The following PDZD2 variants were observed in gnomAD, a reference collection of about 807,000 sequenced individuals.
PDZD2 encodes PDZ domain containing 2, also known as PDZ domain-containing protein 2.
In PDZD2, 90 loss-of-function variants were observed where a neutral mutation model predicts 220.7. The ratio of observed to expected loss-of-function variants is 0.41; its 90% CI spans 0.34 to 0.49. The LOEUF (loss-of-function observed/expected upper bound fraction) is 0.49. Among genes scored for constraint, PDZD2 ranks in the 20% least tolerant of loss-of-function variants. The pLI is 0.28. For synonymous variants in PDZD2, 1,375 were observed against 1,450.5 expected, an observed-to-expected ratio of 0.95 and a Z score of 1.18; for missense variants, 3,174 against 3,608.5, an observed-to-expected ratio of 0.88 and a Z score of 3.08.
chr5:31,647,060 A>T (rs1379480640), intron 1 of PDZD2, among the ~76,000 whole-genome samples: 1 of 152,094 alleles, frequency 6.6e-6, no homozygotes, highest in African/African-American at 2.4e-5. Context: ...GCTGCAGTCC[A>T]CTATTTTTGG....
At chr5:31,663,907 A>T (rs1745877783) in intron 1 of PDZD2, among the ~76,000 whole-genome samples, 1 of 151,670 alleles carries the variant, frequency 6.6e-6, no homozygotes, top group African/African-American at 2.4e-5. Context: ...TTGCACATGT[A>T]TCTGTGTGTG....
chr5:31,905,704 A>G lies in PDZD2; in HGVS notation c.477-77451A>G, dbSNP rs890741458. 5.3e-5 allele frequency among the ~76,000 whole-genome samples: 8 copies of G among 152,228 alleles called. No individual in the cohort carries two copies. The East Asian group carries it at 1.5e-3, about 29-fold the overall frequency. ...GAGTGGATTTATTCAGGTATTGGGT[A>G]CCTTCTGAGGATATGGATTTCTGTC... On this transcript the variant is annotated intron_variant, in intron 2 of 24. Transcript: ENST00000438447.
At position 31,771,816 on chromosome 5, in the gene PDZD2, G is replaced by T. The variant is rs182155223; in HGVS notation, c.-360-27073G>T. On this transcript the variant is annotated intron_variant, in intron 1 of 24. Transcript: ENST00000438447. The stretch of plus-strand genomic sequence containing the variant: ...TTGGATGTAGTTAGTGGGCAGGCCT[G>T]GCTCCTTCACTCACTGCCTGGGTGA... Among the ~76,000 whole-genome samples the T allele has an allele frequency of 3.1e-3, 470 of 152,238 alleles. 2 individuals are homozygous for T. The highest frequency in any genetic ancestry group is 0.011 in the African/African-American group (458 of 41,538).
chr5:32,071,004 C>G (rs1339816471), intron 15 of PDZD2, among the ~76,000 whole-genome samples: 1 of 152,224 alleles, frequency 6.6e-6, no homozygotes, highest in Non-Finnish European at 1.5e-5. Context: ...GGGGTCAGAT[C>G]AGTCAACATT....
intron 2 of PDZD2, among the ~76,000 whole-genome samples, chr5:31,858,398 G>A (rs1758647180): frequency 1.3e-5 from 2 of 152,206 alleles, no homozygotes; most frequent in Admixed American, 6.5e-5. Flanking sequence ...GTACAGCTAT[G>A]ATAGTGAAAG....
chr5:31,647,033 T>C (rs1352275288), intron 1 of PDZD2, among the ~76,000 whole-genome samples: 1 of 152,184 alleles, frequency 6.6e-6, no homozygotes. Flanking sequence ...GATTTCTTTA[T>C]TGGTGGCAGC....
chr5:32,077,434 A>T lies in PDZD2; in HGVS notation c.3538-28A>T, dbSNP rs747124712. 21 of 1,611,796 alleles carry T rather than the reference A, an allele frequency of 1.3e-5. No individual in the cohort carries two copies. In the East Asian group the frequency reaches 4.7e-4, roughly 36 times the overall value. On this transcript the variant is annotated intron_variant, in intron 18 of 24. Coordinates refer to ENST00000438447, the MANE Select transcript of PDZD2 (RefSeq NM_178140.4). ...GTGCAGAAAGCCTGAAAGTTATTTC[A>T]AGTGGCTTGTGGTTGTCATTGTGCC...
chr5:31,650,358 ATCTC>A (rs1456553274), intron 1 of PDZD2, among the ~76,000 whole-genome samples: 6 of 152,216 alleles, frequency 3.9e-5, no homozygotes, highest in African/African-American at 7.2e-5. Context: ...TTGAATCCAG[ATCTC>A]TCTGTCTACT....
chr5:31,918,610 T>G (rs1035660527), intron 2 of PDZD2, among the ~76,000 whole-genome samples: 4 of 152,216 alleles, frequency 2.6e-5, no homozygotes, highest in Non-Finnish European at 1.5e-5. Flanking sequence ...CTCTTTTGAT[T>G]TTTAGGGTAG....
At chr5:31,691,560 G>A (rs988707607) in intron 1 of PDZD2, among the ~76,000 whole-genome samples, 2 of 148,682 alleles carry the variant, frequency 1.3e-5, no homozygotes, top group Admixed American at 1.3e-4. Flanking sequence ...CTTATCTGGC[G>A]CCACCTGCTT....
chr5:31,983,310 A>G lies in PDZD2; in HGVS notation c.632A>G (p.Lys211Arg), dbSNP rs759147085. ...PTLELGDRTA[K>R]KGKRTRKFGV... ...TTGGAGCTGGGTGACCGAACTGCGA[A>G]AAAGGGGAAACGAACCAGAAAGTTT... Residue 211 changes from lysine (K) to arginine (R), a missense_variant, in exon 3 of 25, where the codon AAA becomes AGA. This residue lies in a region of PDZD2 where 632 missense variants were observed against 708.1 expected (regional missense o/e 0.89). Coordinates refer to ENST00000438447, the MANE Select transcript of PDZD2 (RefSeq NM_178140.4). The G allele has an allele frequency of 4.3e-6, 7 of 1,614,202 alleles. No individual in the cohort carries two copies. The Admixed American group carries it at 1.0e-4, about 23-fold the overall frequency.
At chr5:32,049,789 T>TG (rs1738341360) in intron 8 of PDZD2, among the ~76,000 whole-genome samples, 1 of 152,116 alleles carries the variant, frequency 6.6e-6, no homozygotes, top group African/African-American at 2.4e-5. Context: ...TGAGGGGCAT[T>TG]GGGGCATTGA....
At chr5:32,060,211 TA>T (rs1478546803) in intron 13 of PDZD2, among the ~76,000 whole-genome samples, 1 of 152,142 alleles carries the variant, frequency 6.6e-6, no homozygotes, top group Non-Finnish European at 1.5e-5. Context: ...CAAAGTACAT[TA>T]AAGAAAATAT....
At chr5:31,686,466 C>A (rs11957110) in intron 1 of PDZD2, among the ~76,000 whole-genome samples, 3 of 151,898 alleles carry the variant, frequency 2.0e-5, no homozygotes. Context: ...CAGGTTCAAG[C>A]GATTCTCCTG....
intron 2 of PDZD2, among the ~76,000 whole-genome samples, chr5:31,921,601 G>T (rs937357324): frequency 1.3e-5 from 2 of 152,098 alleles, no homozygotes; most frequent in African/African-American, 4.8e-5. Context: ...GAGGCAGGAG[G>T]ATCGCTTGAG....
At chr5:31,828,442 A>G (rs145739003) in intron 2 of PDZD2, among the ~76,000 whole-genome samples, 94 of 152,276 alleles carry the variant, frequency 6.2e-4, no homozygotes, top group African/African-American at 2.1e-3. Context: ...CATGTTGAAC[A>G]CCTTTTCATG....
At chr5:31,788,526 G>T (rs988007580) in intron 1 of PDZD2, among the ~76,000 whole-genome samples, 20 of 152,150 alleles carry the variant, frequency 1.3e-4, no homozygotes, top group Admixed American at 1.2e-3. Flanking sequence ...TTAGCCGGGT[G>T]TGGTGGCGGG....
At chr5:31,920,649 AT>A (rs112120056) in intron 2 of PDZD2, among the ~76,000 whole-genome samples, 12,259 of 150,422 alleles carry the variant, frequency 0.081, 678 homozygotes, top group African/African-American at 0.16. Context: ...CTAAAAAACA[AT>A]TTTTTTTTTA....
At chr5:31,874,883 A>G (rs531179540) in intron 2 of PDZD2, among the ~76,000 whole-genome samples, 2 of 152,202 alleles carry the variant, frequency 1.3e-5, no homozygotes, top group African/African-American at 4.8e-5. Flanking sequence ...TTAAACAACA[A>G]CAACAACAAA....
Sources: gnomAD v4.1 joint callset for allele counts (sites outside exome capture counted in the v4.1 genomes callset) on GRCh38, gnomAD v4.1.1 for gene constraint, gnomAD v4.1.1 regional missense constraint, MANE v1.5 for transcripts, NCBI Gene and HGNC (gene_info 2026-07-23, HGNC 2026-07-21) for gene names.